The following AFAP1 variants were observed in gnomAD, a reference collection of about 807,000 sequenced individuals.
The protein encoded by AFAP1 is actin filament-associated protein 1.
In AFAP1, 75 loss-of-function variants were observed where a neutral mutation model predicts 93.9. The ratio of observed to expected loss-of-function variants is 0.80; its 90% CI spans 0.66 to 0.97. AFAP1 has a LOEUF of 0.97. Among genes scored for constraint, AFAP1 ranks in the 50% least tolerant of loss-of-function variants. The pLI is 0.00. For missense variants in AFAP1, 1,201 were observed against 1,050.8 expected (o/e 1.14, Z -1.98); for synonymous variants, 517 against 430.7 (o/e 1.20, Z -2.48).
chr4:7,766,220 C>T (rs569130452), intron 17 of AFAP1, among the ~76,000 whole-genome samples: 45 of 152,302 alleles, frequency 3.0e-4, no homozygotes, highest in Admixed American at 9.8e-4. Context: ...TAGCTGGGTA[C>T]GCTTCGTGCC....
chr4:7,863,402 A>T (rs1560207226), intron 3 of AFAP1, among the ~76,000 whole-genome samples: 1 of 152,176 alleles, frequency 6.6e-6, no homozygotes, highest in African/African-American at 2.4e-5. Context: ...CTGGGCGACA[A>T]AGCGAGACTG....
intron 12 of AFAP1, 76 bp downstream of exon 12, chr4:7,786,118 G>C (rs926607889): frequency 2.1e-5 from 29 of 1,361,410 alleles, no homozygotes. Flanking sequence ...CTGAAACCAG[G>C]GGAACTGAAG....
At chr4:7,843,376 A>C in intron 4 of AFAP1, 26 bp from the exon 5 acceptor site, 1 of 1,585,876 alleles carries the variant, frequency 6.3e-7, no homozygotes, top group African/African-American at 1.3e-5. Context: ...ATACACTGGT[A>C]AAAAGGACTT....
rs1221134636 is a variant in AFAP1 at position 7,939,649 on chromosome 4, G to A, written c.-3+7C>T. On this transcript the variant is annotated splice_region_variant and intron_variant, in intron 1 of 17. Coordinates refer to ENST00000420658, the MANE Select transcript of AFAP1 (RefSeq NM_001134647.2). This position sits in a 1 kb window ranked among gnomAD's most constrained non-coding sequence, Gnocchi z 5.6. ...CGGAGACCCTGCCGCCAGTCGCGCC[G>A]TCTCACCTCAGGCCGCCACCTCGCA... The A allele has an allele frequency of 4.8e-6, 2 of 419,426 alleles. No homozygotes were observed. Among genetic ancestry groups the A allele is most frequent in the African/African-American group, 2.2e-5 (1 of 45,882 alleles). The allele number at this position is 419,426 out of a possible 1,614,324, so 26.0% of individuals were successfully genotyped here. A position where few individuals can be genotyped will look rare whatever the true frequency, so the allele number is the denominator to read the frequency against.
In AFAP1 at chr4:7,912,855, AT is replaced by A. The variant is rs577033716; in HGVS notation, c.-3+26800del. ...TCTATGAATAATCAGGTAGACAGCA[AT>A]TTTTTTTAAGAGACAAGGTCTCACT... On this transcript the variant is annotated intron_variant, in intron 1 of 17. Coordinates refer to ENST00000420658, the MANE Select transcript of AFAP1 (RefSeq NM_001134647.2). Among the ~76,000 whole-genome samples, 218 of 151,804 alleles carry A rather than the reference AT, an allele frequency of 1.4e-3. 2 individuals carry two copies. Among genetic ancestry groups the A allele is most frequent in the African/African-American group, 5.1e-3 (212 of 41,402 alleles).
chr4:7,919,849 T>C (rs956693370), intron 1 of AFAP1, among the ~76,000 whole-genome samples: 3 of 148,178 alleles, frequency 2.0e-5, no homozygotes, highest in South Asian at 2.3e-4. Context: ...CCTGTGTCCA[T>C]GTGTTCTCAT....
intron 17 of AFAP1, among the ~76,000 whole-genome samples, chr4:7,764,725 T>C (rs2148937368): frequency 6.6e-6 from 1 of 152,300 alleles, no homozygotes; most frequent in Admixed American, 6.5e-5. Flanking sequence ...CAGTGGGCAC[T>C]GGGCAGGCAC....
chr4:7,775,847 C>A (rs553355324), intron 14 of AFAP1: 1 of 152,280 alleles, frequency 6.6e-6, no homozygotes, highest in East Asian at 1.9e-4. Context: ...AGAACAAACA[C>A]AAATGGGCAA....
chr4:7,931,182 T>C (rs938949909), intron 1 of AFAP1, among the ~76,000 whole-genome samples: 3 of 152,164 alleles, frequency 2.0e-5, no homozygotes, highest in Non-Finnish European at 2.9e-5. Flanking sequence ...TCTAGAAGAA[T>C]GAGCTAAAAC....
chr4:7,851,799 TG>T (rs1284323666), intron 4 of AFAP1, among the ~76,000 whole-genome samples: 1 of 152,170 alleles, frequency 6.6e-6, no homozygotes, highest in Non-Finnish European at 1.5e-5. Flanking sequence ...ACACCATCCC[TG>T]GGATATCAGC....
chr4:7,835,460 T>A (rs1289194920), intron 6 of AFAP1, among the ~76,000 whole-genome samples: 2 of 86,622 alleles, frequency 2.3e-5, no homozygotes, highest in African/African-American at 7.6e-5. Context: ...GACTGTGGGC[T>A]GCCTTAAGGT....
At chr4:7,782,179 A>C (rs913602660) in intron 12 of AFAP1, among the ~76,000 whole-genome samples, 11 of 152,192 alleles carry the variant, frequency 7.2e-5, no homozygotes, top group Non-Finnish European at 1.3e-4. Context: ...CCGGGGAAAA[A>C]GGGGGAAATG....
chr4:7,865,104 T>C (rs1164684037), intron 3 of AFAP1, among the ~76,000 whole-genome samples: 1 of 151,826 alleles, frequency 6.6e-6, no homozygotes, highest in South Asian at 2.1e-4. Flanking sequence ...TTACAAAAAC[T>C]GGAAATTACA....
intron 1 of AFAP1, among the ~76,000 whole-genome samples, chr4:7,908,441 T>C (rs982235087): frequency 8.5e-5 from 13 of 152,332 alleles, no homozygotes; most frequent in Middle Eastern, 3.4e-3. Context: ...CAGTAAATGA[T>C]TACTGAATTA....
intron 1 of AFAP1, among the ~76,000 whole-genome samples, chr4:7,933,496 C>A (rs1373698637): frequency 6.6e-6 from 1 of 152,132 alleles, no homozygotes; most frequent in East Asian, 1.9e-4. Context: ...TCACTTGAAC[C>A]CCAGAGGCAG....
intron 17 of AFAP1, among the ~76,000 whole-genome samples, chr4:7,767,341 T>C (rs1345217117): frequency 6.6e-6 from 1 of 152,114 alleles, no homozygotes; most frequent in African/African-American, 2.4e-5. Flanking sequence ...TGGGAGCCCT[T>C]TTGAGGGTCG....
chr4:7,764,660 G>T (rs1714297999), intron 17 of AFAP1, among the ~76,000 whole-genome samples: 1 of 152,260 alleles, frequency 6.6e-6, no homozygotes, highest in Non-Finnish European at 1.5e-5. Context: ...CAGGCCCTGA[G>T]TGCTGGCTGC....
intron 3 of AFAP1, among the ~76,000 whole-genome samples, chr4:7,858,414 A>G (rs1458708186): frequency 1.3e-5 from 2 of 152,132 alleles, no homozygotes; most frequent in Admixed American, 1.3e-4. Context: ...ACTCTCAAAT[A>G]CCACTTATCC....
chr4:7,812,268 C>T (rs1002327371), intron 8 of AFAP1, among the ~76,000 whole-genome samples: 1 of 152,092 alleles, frequency 6.6e-6, no homozygotes, highest in South Asian at 2.1e-4. Flanking sequence ...GCTGGTGGAG[C>T]AAGAGGTATC....
Sources: allele counts gnomAD v4.1 joint callset (sites outside exome capture counted in the v4.1 genomes callset), GRCh38; gene constraint gnomAD v4.1.1; non-coding constraint Gnocchi (gnomAD v3.1); transcripts MANE v1.5; gene names NCBI Gene and HGNC (gene_info 2026-07-23, HGNC 2026-07-21).